Variants in PJA2 observed in about 807,000 individuals in gnomAD.
PJA2 encodes the protein E3 ubiquitin-protein ligase Praja-2.
Under a neutral mutation model 69.3 loss-of-function variants are expected in PJA2, and 25 were observed. The observed-to-expected ratio is 0.36, with a 90% CI of 0.26 to 0.50. The LOEUF (loss-of-function observed/expected upper bound fraction) is 0.50, where lower values mean the gene tolerates loss of function less well. Among genes scored for constraint, PJA2 ranks in the 20% least tolerant of loss-of-function variants. PJA2 has a pLI of 0.96. For synonymous variants in PJA2, 308 were observed against 277.8 expected (o/e 1.11, Z -1.08); for missense variants, 809 against 830.2 (o/e 0.97, Z 0.31).
At chr5:109,376,635 G>A (rs1329436916) in intron 4 of PJA2, among the ~76,000 whole-genome samples, 1 of 151,228 alleles carries the variant, frequency 6.6e-6, no homozygotes, top group African/African-American at 2.4e-5. Flanking sequence ...GTAACTGGGG[G>A]AAAAAAAATA....
chr5:109,406,702 T>A (rs865897859), intron 1 of PJA2, among the ~76,000 whole-genome samples: 2 of 152,120 alleles, frequency 1.3e-5, no homozygotes, highest in Admixed American at 6.5e-5. Context: ...TCACAAAAAT[T>A]CAAAATAAAT....
At chr5:109,381,746 C>A in intron 2 of PJA2, 43 bp from the exon 3 acceptor site, 1 of 1,567,838 alleles carries the variant, frequency 6.4e-7, no homozygotes, top group Non-Finnish European at 8.7e-7. Flanking sequence ...CAGCAATGAG[C>A]TTTATTCTTG....
Position 109,396,167 on chromosome 5 carries a change from G to C in PJA2, c.-87-12647C>G, listed in dbSNP as rs185783732. Among the ~76,000 whole-genome samples, 339 of 152,220 alleles carry C rather than the reference G, an allele frequency of 2.2e-3. 2 individuals are homozygous for C. Among genetic ancestry groups the C allele is most frequent in the Middle Eastern group, 3.4e-3 (1 of 294 alleles). ...AGTATATACTGAGTCTACTGCAAAA[G>C]ACTCATCATTAGATATGATTACTTC... is the stretch of plus-strand genomic sequence containing the variant. On this transcript the variant is annotated intron_variant, in intron 1 of 9. Transcript: ENST00000361189.
At chr5:109,341,487 C>T in intron 9 of PJA2, among the ~76,000 whole-genome samples, 1 of 141,688 alleles carries the variant, frequency 7.1e-6, no homozygotes, top group Non-Finnish European at 1.6e-5. Context: ...CGCCCGGCAG[C>T]CACCCCATCT....
intron 5 of PJA2, among the ~76,000 whole-genome samples, chr5:109,364,529 A>T (rs923533132): frequency 4.0e-5 from 6 of 149,758 alleles, no homozygotes; most frequent in Non-Finnish European, 7.4e-5. Context: ...AGGCTGAGGC[A>T]GGAGAATGGC....
chr5:109,365,366 A>T (rs1432789234), intron 5 of PJA2, among the ~76,000 whole-genome samples: 1 of 152,200 alleles, frequency 6.6e-6, no homozygotes, highest in Non-Finnish European at 1.5e-5. Context: ...AATCTAAAAA[A>T]CAGATCTATA....
At chr5:109,403,178 C>G (rs1197801465) in intron 1 of PJA2, among the ~76,000 whole-genome samples, 1 of 152,046 alleles carries the variant, frequency 6.6e-6, no homozygotes, top group Non-Finnish European at 1.5e-5. Context: ...GACACCACTA[C>G]AGACGTTATA....
chr5:109,404,188 A>G (rs964855005), intron 1 of PJA2, among the ~76,000 whole-genome samples: 1 of 152,072 alleles, frequency 6.6e-6, no homozygotes, highest in African/African-American at 2.4e-5. Context: ...GACTCCTATA[A>G]CAAGCTCCCA....
chr5:109,379,277 CAT>C (rs754109588), intron 3 of PJA2, 23 bp from the exon 4 acceptor site: 5 of 1,515,666 alleles, frequency 3.3e-6, no homozygotes, highest in African/African-American at 2.8e-5. Flanking sequence ...CAAAAGAAAA[CAT>C]ATTTTAAAGG....
chr5:109,392,062 G>A (rs76640992), intron 1 of PJA2, among the ~76,000 whole-genome samples: 4,602 of 152,208 alleles, frequency 0.03, 92 homozygotes, highest in Middle Eastern at 0.048. Context: ...TAAAATCCCA[G>A]CAGGCATTTT....
intron 9 of PJA2, among the ~76,000 whole-genome samples, chr5:109,338,367 C>T (rs1352775974): frequency 1.3e-5 from 2 of 152,102 alleles, no homozygotes; most frequent in South Asian, 4.1e-4. Flanking sequence ...AGGCCAGGCA[C>T]GGTGGCTCAT....
At chr5:109,353,418 TCTATATATTA>T (rs1233344903) in intron 7 of PJA2, among the ~76,000 whole-genome samples, 1 of 51,888 alleles carries the variant, frequency 1.9e-5, no homozygotes, top group African/African-American at 4.9e-5. Context: ...TCTATAGACA[TCTATATATTA>T]GATACCTATA....
intron 9 of PJA2, among the ~76,000 whole-genome samples, chr5:109,341,862 C>A (rs1279160365): frequency 1.2e-5 from 1 of 80,564 alleles, no homozygotes; most frequent in Non-Finnish European, 2.8e-5. Flanking sequence ...CCGCCCCGTC[C>A]GGGAGGGAGG....
chr5:109,337,420 TA>T (rs1383123699), intron 9 of PJA2, 64 bp from the exon 10 acceptor site: 78 of 1,469,864 alleles, frequency 5.3e-5, no homozygotes, highest in Non-Finnish European at 7.0e-5. Context: ...AGTAACTTAA[TA>T]AAGAAAAAAC....
intron 1 of PJA2, among the ~76,000 whole-genome samples, chr5:109,401,255 A>G (rs1286283520): frequency 1.3e-5 from 2 of 151,920 alleles, no homozygotes; most frequent in African/African-American, 4.8e-5. Context: ...TTGCACTCCA[A>G]CCTGGGCGAC....
intron 7 of PJA2, among the ~76,000 whole-genome samples, chr5:109,352,768 T>C (rs1762276456): frequency 6.6e-6 from 1 of 151,658 alleles, no homozygotes; most frequent in African/African-American, 2.4e-5. Context: ...GATGGACAGA[T>C]ATCTAATATC....
intron 1 of PJA2, among the ~76,000 whole-genome samples, chr5:109,399,491 A>C (rs1747491013): frequency 6.6e-6 from 1 of 152,180 alleles, no homozygotes; most frequent in Non-Finnish European, 1.5e-5. Context: ...ACACTTAGAA[A>C]AATCAGGCAC....
intron 1 of PJA2, among the ~76,000 whole-genome samples, chr5:109,384,161 G>A (rs904859270): frequency 5.3e-5 from 8 of 152,168 alleles, no homozygotes; most frequent in African/African-American, 1.7e-4. Flanking sequence ...CTATTTGGGA[G>A]TCTACTACAC....
At chr5:109,398,838 T>C (rs1420028075) in intron 1 of PJA2, among the ~76,000 whole-genome samples, 1 of 151,884 alleles carries the variant, frequency 6.6e-6, no homozygotes, top group African/African-American at 2.4e-5. Flanking sequence ...AAACAGTTTA[T>C]AGTCCAGGCT....
Sources: allele counts gnomAD v4.1 joint callset (sites outside exome capture counted in the v4.1 genomes callset), GRCh38; gene constraint gnomAD v4.1.1; transcripts MANE v1.5; gene names NCBI Gene and HGNC (gene_info 2026-07-23, HGNC 2026-07-21).